The following ACOT7 variants were observed in gnomAD, a reference collection of about 807,000 sequenced individuals.
ACOT7 encodes the protein acyl-CoA thioesterase 7.
ACOT7 carries 12 observed loss-of-function variants against 40.2 expected under a neutral mutation model. The observed-to-expected ratio is 0.30, with a 90% CI of 0.19 to 0.48. The LOEUF (loss-of-function observed/expected upper bound fraction) is 0.48, where lower values mean the gene tolerates loss of function less well. Among genes scored for constraint, ACOT7 ranks in the 20% least tolerant of loss-of-function variants. ACOT7 has a pLI of 0.99. For synonymous variants in ACOT7, 228 were observed against 219.5 expected (o/e 1.04, Z -0.34); for missense variants, 395 against 530.8 (o/e 0.74, Z 2.51).
chr1:6,307,091 C>T lies in ACOT7; in HGVS notation c.712+11401G>A, dbSNP rs1408163526. The stretch of plus-strand genomic sequence containing the variant: ...TGTTTGGCTCCCCAGCAGCTAGACA[C>T]CTGCATGGATGTTTGTCGCAGAAGG... On this transcript the variant is annotated intron_variant, in intron 6 of 8. Coordinates refer to ENST00000361521, the MANE Select transcript of ACOT7 (RefSeq NM_007274.4). 2.6e-5 allele frequency among the ~76,000 whole-genome samples: 4 copies of T among 152,194 alleles called. No individual in the cohort carries two copies. The South Asian group carries it at 8.3e-4, about 32-fold the overall frequency.
In ACOT7 at chr1:6,294,946, C is replaced by G. The variant is rs1571279287; in HGVS notation, c.747G>C (p.Gly249=). The G allele has an allele frequency of 1.2e-6, 2 of 1,614,096 alleles. No individual in the cohort carries two copies. The highest frequency in any genetic ancestry group is 1.7e-6 in the Non-Finnish European group (2 of 1,179,998). Residue 249 remains glycine, a synonymous_variant, in exon 7 of 9, where the codon GGG becomes GGC. Transcript: ENST00000361521. This position sits in a 1 kb window ranked among gnomAD's most constrained non-coding sequence, Gnocchi z 4.6. ...TCTTGCAGTGGCGTGCAGCCACGAT[C>G]CCGGCGACCTCATCCATGAGCTTCA... The part of the protein sequence containing the change: ...VTMKLMDEVA[G]IVAARHCKTN...
At chr1:6,323,735 AAAATATATATATATATATATAT>A (rs1275739162) in intron 5 of ACOT7, among the ~76,000 whole-genome samples, 13 of 54,000 alleles carry the variant, frequency 2.4e-4, no homozygotes, top group African/African-American at 5.9e-4. Context: ...AAAAAAAAAA[AAAATATATATATATATATATAT>A]ATATATATAT....
In ACOT7 at chr1:6,358,786, G is replaced by A. The variant is rs1163329813; in HGVS notation, c.144-8920C>T. ...TGTCCCTAAACAATCCACCCACAGT[G>A]GCCCCTGCACGGCCTAGACATGCCC... On this transcript the variant is annotated intron_variant, in intron 1 of 8. Transcript: ENST00000361521. The surrounding 1 kb of genome is among the most constrained non-coding windows in gnomAD (Gnocchi z 4.1). 6.3e-7 allele frequency: 1 copy of A among 1,592,278 alleles called. No individual in the cohort carries two copies. Among genetic ancestry groups the A allele is most frequent in the African/African-American group, 1.3e-5 (1 of 74,420 alleles).
intron 6 of ACOT7, among the ~76,000 whole-genome samples, chr1:6,317,380 C>G: frequency 6.6e-6 from 1 of 152,182 alleles, no homozygotes; most frequent in African/African-American, 2.4e-5. Flanking sequence ...TAAAAAGTGT[C>G]CATCTGTGAA....
intron 6 of ACOT7, among the ~76,000 whole-genome samples, chr1:6,307,629 C>T (rs1445604967): frequency 1.3e-5 from 2 of 152,226 alleles, no homozygotes; most frequent in Non-Finnish European, 1.5e-5. Flanking sequence ...GAGGGAACAG[C>T]AACAGGCGGA....
At chr1:6,363,151 G>A (rs574207229) in intron 1 of ACOT7, among the ~76,000 whole-genome samples, 34 of 152,182 alleles carry the variant, frequency 2.2e-4, no homozygotes, top group Non-Finnish European at 4.0e-4. Context: ...GCTATACAGA[G>A]ATGGGAGCTG....
Position 6,393,289 on chromosome 1 carries a change from G to C in ACOT7, c.111C>G (p.Asp37Glu), listed in dbSNP as rs1001411030. The part of the protein sequence containing the change: ...AAAAPSMSGP[D>E]VETPSAIQIC... ...TCTGGATGGCGGACGGCGTCTCGAC[G>C]TCTGGGCCCGACATGCTGGGGGCTG... The change falls in exon 1 of 9, where the codon GAC (aspartate) becomes GAG (glutamate). Residue 37 changes from aspartate (D) to glutamate (E), a missense_variant. Physicochemically the swap from Asp to Glu is conservative, Grantham distance 45. This residue lies in a region of ACOT7 where 86 missense variants were observed against 60.5 expected (regional missense o/e 1.42). Coordinates refer to ENST00000361521, the MANE Select transcript of ACOT7 (RefSeq NM_007274.4). 2.3e-6 allele frequency: 3 copies of C among 1,284,114 alleles called. No individual in the cohort carries two copies. In the African/African-American group the frequency reaches 4.6e-5, roughly 20 times the overall value. The allele number at this position is 1,284,114 out of a possible 1,614,324, so 79.5% of individuals were successfully genotyped here.
At chr1:6,344,700 G>A (rs531871727) in intron 2 of ACOT7, among the ~76,000 whole-genome samples, 1 of 146,954 alleles carries the variant, frequency 6.8e-6, no homozygotes, top group Admixed American at 7.0e-5. Context: ...GGAGGCAGAG[G>A]TTGCAGTGAG....
chr1:6,296,384 C>T (rs765790088), intron 6 of ACOT7, among the ~76,000 whole-genome samples: 22 of 152,166 alleles, frequency 1.4e-4, no homozygotes, highest in Non-Finnish European at 3.1e-4. Flanking sequence ...CCCCAGTTCT[C>T]ATCCCTGGTA....
At chr1:6,367,893 G>A (rs771988055) in intron 1 of ACOT7, among the ~76,000 whole-genome samples, 6 of 152,222 alleles carry the variant, frequency 3.9e-5, no homozygotes, top group Non-Finnish European at 5.9e-5. Context: ...AAAATGGAGA[G>A]TGAGCAAGAC....
At chr1:6,341,019 G>A (rs1438386911) in intron 2 of ACOT7, among the ~76,000 whole-genome samples, 1 of 151,884 alleles carries the variant, frequency 6.6e-6, no homozygotes, top group African/African-American at 2.4e-5. Flanking sequence ...CTGGGTGACA[G>A]AGCAAGACTC....
In ACOT7 at chr1:6,301,111, G is replaced by C. The variant is rs1384481538; in HGVS notation, c.713-6131C>G. 6.6e-6 allele frequency among the ~76,000 whole-genome samples: 1 copy of C among 152,232 alleles called. No homozygotes were observed. The highest frequency in any genetic ancestry group is 2.4e-5 in the African/African-American group (1 of 41,458). ...AAGTCACAGACCCAGAGTGTCCAGT[G>C]CTGGCCACCAGCTGGTGTCATCAAC... On this transcript the variant is annotated intron_variant, in intron 6 of 8. Coordinates refer to ENST00000361521, the MANE Select transcript of ACOT7 (RefSeq NM_007274.4). This position sits in a 1 kb window ranked among gnomAD's most constrained non-coding sequence, Gnocchi z 4.1.
In ACOT7 at chr1:6,355,136, C is replaced by T. The variant is rs1463977198; in HGVS notation, c.144-5270G>A. 6.6e-6 allele frequency among the ~76,000 whole-genome samples: 1 copy of T among 152,168 alleles called. No homozygotes were observed. The highest frequency in any genetic ancestry group is 1.9e-4 in the East Asian group (1 of 5,176). ...CGCCTGGCCCTTCCCACCGTTCTAC[C>T]TGTCCCAGCAACGCCTGACCCACCC... On this transcript the variant is annotated intron_variant, in intron 1 of 8. Transcript: ENST00000361521. This position sits in a 1 kb window ranked among gnomAD's most constrained non-coding sequence, Gnocchi z 5.0.
intron 1 of ACOT7, among the ~76,000 whole-genome samples, chr1:6,372,315 T>C (rs1642146273): frequency 6.6e-6 from 1 of 152,234 alleles, no homozygotes; most frequent in East Asian, 1.9e-4. Flanking sequence ...TAAGGGAATG[T>C]TGTGGCTGAT....
intron 8 of ACOT7, among the ~76,000 whole-genome samples, chr1:6,269,310 G>A (rs1334126867): frequency 6.6e-6 from 1 of 152,234 alleles, no homozygotes; most frequent in Non-Finnish European, 1.5e-5. Context: ...TGTCCACGAT[G>A]AACCAGGGTC....
chr1:6,281,700 C>G (rs1247403304), intron 7 of ACOT7, among the ~76,000 whole-genome samples: 1 of 152,236 alleles, frequency 6.6e-6, no homozygotes, highest in Non-Finnish European at 1.5e-5. Context: ...GCAAACTGCA[C>G]TGTCCATTCA....
Position 6,293,208 on chromosome 1 carries a change from T to C in ACOT7, c.829+1656A>G, listed in dbSNP as rs562401654. Among the ~76,000 whole-genome samples, 5 of 152,332 alleles carry C rather than the reference T, an allele frequency of 3.3e-5. No homozygotes were observed. In the East Asian group the frequency reaches 7.7e-4, roughly 24 times the overall value. ...TCAGCCAGAAAGTCTATTTCTTTCC[T>C]GATGGTTCTCCAAGGACACTCAGGG... On this transcript the variant is annotated intron_variant, in intron 7 of 8. Transcript: ENST00000361521.
intron 1 of ACOT7, among the ~76,000 whole-genome samples, chr1:6,390,360 T>C (rs1321799432): frequency 6.6e-6 from 1 of 151,612 alleles, no homozygotes; most frequent in Admixed American, 6.6e-5. Flanking sequence ...TCATCTAAGG[T>C]CAGGAGTTCG....
At position 6,355,120 on chromosome 1, in the gene ACOT7, C is replaced by T. The variant is rs1641707102; in HGVS notation, c.144-5254G>A. Reference sequence around the variant, plus strand: ...TGCTGCTTAGCAGGCACGCCTGGCCCTTCCCACCGTTCTACCTGTCCCAGC... The same window carrying T: ...TGCTGCTTAGCAGGCACGCCTGGCCTTTCCCACCGTTCTACCTGTCCCAGC... On this transcript the variant is annotated intron_variant, in intron 1 of 8. Coordinates refer to ENST00000361521, the MANE Select transcript of ACOT7 (RefSeq NM_007274.4). This position sits in a 1 kb window ranked among gnomAD's most constrained non-coding sequence, Gnocchi z 5.0. 6.6e-6 allele frequency among the ~76,000 whole-genome samples: 1 copy of T among 152,136 alleles called. No individual in the cohort carries two copies. The highest frequency in any genetic ancestry group is 1.5e-5 in the Non-Finnish European group (1 of 68,016).
Sources: allele counts gnomAD v4.1 joint callset (sites outside exome capture counted in the v4.1 genomes callset), GRCh38; gene constraint gnomAD v4.1.1; regional missense constraint gnomAD v4.1.1; non-coding constraint Gnocchi (gnomAD v3.1); transcripts MANE v1.5; gene names NCBI Gene and HGNC (gene_info 2026-07-23, HGNC 2026-07-21).